The following GPM6A variants were observed in gnomAD, a reference collection of about 807,000 sequenced individuals.
GPM6A encodes glycoprotein M6A.
Under a neutral mutation model 32.1 loss-of-function variants are expected in GPM6A, and 7 were observed. The observed-to-expected ratio is 0.22, with a 90% CI of 0.12 to 0.41. The LOEUF (loss-of-function observed/expected upper bound fraction) is 0.41. Ranked by LOEUF, GPM6A falls within the 10% of genes least tolerant of loss-of-function variation. The pLI is 1.00. For synonymous variants in GPM6A, 130 were observed against 123.4 expected, an observed-to-expected ratio of 1.05 and a Z score of -0.35; for missense variants, 235 against 347.2, an observed-to-expected ratio of 0.68 and a Z score of 2.57.
intron 1 of GPM6A, among the ~76,000 whole-genome samples, chr4:175,848,563 C>T (rs1318371607): frequency 6.6e-6 from 1 of 152,124 alleles, no homozygotes; most frequent in African/African-American, 2.4e-5. Flanking sequence ...AATTTAGAGA[C>T]TAGAGTTACA....
intron 1 of GPM6A, among the ~76,000 whole-genome samples, chr4:175,876,981 C>T (rs1737102525): frequency 6.6e-6 from 1 of 151,824 alleles, no homozygotes; most frequent in African/African-American, 2.4e-5. Context: ...GCCTCAAAGT[C>T]CATGCGGTCA....
At chr4:175,906,056 A>T (rs1738122633) in intron 1 of GPM6A, among the ~76,000 whole-genome samples, 1 of 152,132 alleles carries the variant, frequency 6.6e-6, no homozygotes. Context: ...ATAAGAGTGA[A>T]CATTTAAGGC....
chr4:175,851,372 C>T (rs531397714), intron 1 of GPM6A, among the ~76,000 whole-genome samples: 5 of 151,874 alleles, frequency 3.3e-5, no homozygotes, highest in African/African-American at 9.7e-5. Flanking sequence ...GTAATCCCAG[C>T]TACTCTGGAG....
intron 3 of GPM6A, among the ~76,000 whole-genome samples, chr4:175,669,401 C>CA (rs1176772421): frequency 6.6e-6 from 1 of 152,046 alleles, no homozygotes; most frequent in African/African-American, 2.4e-5. Flanking sequence ...TTTTGAATTT[C>CA]AAATTTTTTT....
intron 1 of GPM6A, among the ~76,000 whole-genome samples, chr4:175,874,378 G>T (rs970609971): frequency 6.6e-6 from 1 of 152,132 alleles, no homozygotes; most frequent in African/African-American, 2.4e-5. Context: ...TTCAAGAAAA[G>T]ACCTACAGCC....
intron 4 of GPM6A, among the ~76,000 whole-genome samples, chr4:175,647,780 A>C (rs534620987): frequency 6.6e-6 from 1 of 152,304 alleles, no homozygotes; most frequent in Admixed American, 6.5e-5. Context: ...ACAATGTTTG[A>C]GGAATGGTTC....
intron 1 of GPM6A, among the ~76,000 whole-genome samples, chr4:175,757,955 G>T (rs1164540387): frequency 6.6e-6 from 1 of 152,150 alleles, no homozygotes; most frequent in African/African-American, 2.4e-5. Flanking sequence ...AAATAAAACT[G>T]CAGTGACATA....
At chr4:175,815,550 T>C (rs1735071589), upstream of GPM6A, among the ~76,000 whole-genome samples, 1 of 152,032 alleles carries the variant, frequency 6.6e-6, no homozygotes, top group Non-Finnish European at 1.5e-5. Context: ...CATTGTATCG[T>C]ATTGTATTTG....
chr4:175,731,198 T>C (rs1343030837), intron 1 of GPM6A, among the ~76,000 whole-genome samples: 1 of 152,200 alleles, frequency 6.6e-6, no homozygotes, highest in Non-Finnish European at 1.5e-5. Flanking sequence ...TTCAAAACTC[T>C]TTGTTCTGTG....
At chr4:175,749,638 T>C (rs1732242335) in intron 1 of GPM6A, among the ~76,000 whole-genome samples, 1 of 152,156 alleles carries the variant, frequency 6.6e-6, no homozygotes, top group Admixed American at 6.5e-5. Context: ...CGAAGCAGGG[T>C]ATAACTTTAT....
chr4:176,001,944 T>C (rs1237041514), intron 1 of GPM6A, among the ~76,000 whole-genome samples: 2 of 152,210 alleles, frequency 1.3e-5, no homozygotes, highest in South Asian at 2.1e-4. Context: ...ATTCGGATCC[T>C]GGGTCTCTTA....
intron 1 of GPM6A, among the ~76,000 whole-genome samples, chr4:175,866,050 GTCTT>G (rs1736723900): frequency 1.3e-5 from 2 of 152,120 alleles, no homozygotes; most frequent in Non-Finnish European, 2.9e-5. Flanking sequence ...AGTAGTTTAA[GTCTT>G]TCACAGAATT....
chr4:175,944,838 A>G (rs899032408), intron 1 of GPM6A, among the ~76,000 whole-genome samples: 2 of 151,992 alleles, frequency 1.3e-5, no homozygotes, highest in Non-Finnish European at 2.9e-5. Context: ...TATTCCTAAT[A>G]ATGCGTTTTG....
chr4:175,818,924 G>A lies in GPM6A; in HGVS notation c.-22-6675C>T, dbSNP rs1446068071. On this transcript the variant is annotated intron_variant, in intron 1 of 7. Coordinates refer to the GPM6A transcript ENST00000280187. Reference sequence around the variant, plus strand: ...TGTCATAAATGCTGATTACAGTAAGGGGAGACAGAAAAATTCAAGGGTGAC... The same window carrying A: ...TGTCATAAATGCTGATTACAGTAAGAGGAGACAGAAAAATTCAAGGGTGAC... Among the ~76,000 whole-genome samples, 3 of 152,232 alleles carry A rather than the reference G, an allele frequency of 2.0e-5. No homozygotes were observed. In the East Asian group the frequency reaches 5.8e-4, roughly 29 times the overall value.
chr4:175,724,692 C>T (rs1477605084), intron 1 of GPM6A, among the ~76,000 whole-genome samples: 1 of 152,054 alleles, frequency 6.6e-6, no homozygotes, highest in Non-Finnish European at 1.5e-5. Context: ...ATATGCATGG[C>T]AATAAAACTG....
chr4:175,676,013 G>A (rs570392704), intron 2 of GPM6A, among the ~76,000 whole-genome samples: 11 of 152,146 alleles, frequency 7.2e-5, no homozygotes, highest in African/African-American at 1.9e-4. Context: ...TCATGGGGGC[G>A]GTTACCTCCA....
intron 1 of GPM6A, among the ~76,000 whole-genome samples, chr4:175,744,174 G>A (rs565687084): frequency 3.9e-4 from 59 of 152,086 alleles, no homozygotes; most frequent in Non-Finnish European, 6.2e-4. Flanking sequence ...CCTCACCAAA[G>A]TGGAATTAAG....
At chr4:175,820,307 G>T (rs1735233777) in intron 1 of GPM6A, among the ~76,000 whole-genome samples, 1 of 151,942 alleles carries the variant, frequency 6.6e-6, no homozygotes, top group Non-Finnish European at 1.5e-5. Flanking sequence ...TTCTCTAACT[G>T]CATTCCTTTC....
intron 1 of GPM6A, among the ~76,000 whole-genome samples, chr4:175,822,662 G>T (rs75557748): frequency 7.6e-4 from 114 of 149,464 alleles, no homozygotes; most frequent in Non-Finnish European, 7.5e-4. Context: ...TTTTTTTTTT[G>T]TTTTTTGAAA....
Sources: allele counts gnomAD v4.1 joint callset (sites outside exome capture counted in the v4.1 genomes callset), GRCh38; gene constraint gnomAD v4.1.1; transcripts MANE v1.5; gene names NCBI Gene and HGNC (gene_info 2026-07-23, HGNC 2026-07-21).